C1orf116: variants seen among roughly 807,000 people sequenced by gnomAD.
C1orf116 encodes specifically androgen-regulated gene protein.
A neutral mutation model predicts 14.1 loss-of-function variants in C1orf116; 12 were observed. That is an observed-to-expected ratio of 0.85 (90% confidence interval 0.54 to 1.38). The LOEUF is 1.38. Ranked by LOEUF, C1orf116 falls within the 40% of genes most tolerant of loss-of-function variation. The probability of loss-of-function intolerance (pLI) is 0.00; values close to 1 mark genes in which losing one functional copy is unlikely to be tolerated. For synonymous variants in C1orf116, 296 were observed against 299.0 expected, an observed-to-expected ratio of 0.99 and a Z score of 0.10; for missense variants, 797 against 747.0, an observed-to-expected ratio of 1.07 and a Z score of -0.78.
intron 1 of C1orf116, 121 bp from the exon 2 acceptor site, chr1:207,027,800 C>A: frequency 8.7e-7 from 1 of 1,146,556 alleles, no homozygotes; most frequent in Non-Finnish European, 1.2e-6. Context: ...GGGGCATGAA[C>A]AGCCACTGCC....
intron 1 of C1orf116, among the ~76,000 whole-genome samples, chr1:207,029,646 AC>A (rs1334514774): frequency 1.3e-5 from 2 of 152,184 alleles, no homozygotes; most frequent in South Asian, 4.1e-4. Context: ...TTGGTTTCTA[AC>A]CTATAACTGT....
Position 207,031,822 on chromosome 1 carries a change from C to T in C1orf116, c.-82+757G>A, listed in dbSNP as rs945646055. ...TCTAACTAGACTTGACATGCAGCCACGAAATATTCATGTGGGTGAGGCTCG... is the reference window on the plus strand; with the variant it reads ...TCTAACTAGACTTGACATGCAGCCATGAAATATTCATGTGGGTGAGGCTCG... On this transcript the variant is annotated intron_variant, in intron 1 of 3. Coordinates refer to ENST00000359470, the MANE Select transcript of C1orf116 (RefSeq NM_023938.6). 1.7e-4 allele frequency among the ~76,000 whole-genome samples: 26 copies of T among 152,198 alleles called. 1 individual carries two copies. The highest frequency in any genetic ancestry group is 1.3e-3 in the East Asian group (7 of 5,204).
Position 207,032,704 on chromosome 1 carries a change from T to TA in C1orf116, c.-208dup. 1.0e-6 allele frequency: 1 copy of TA among 985,454 alleles called. No homozygotes were observed. Among genetic ancestry groups the TA allele is most frequent in the Non-Finnish European group, 1.2e-6 (1 of 829,978 alleles). 61.0% of individuals were successfully genotyped at this position (985,454 alleles called of 1,614,324 possible). A position where few individuals can be genotyped will look rare whatever the true frequency, so the allele number is the denominator to read the frequency against. ...TTCTCCTTTTGAGCTCCTCCTGACT[T>TA]ACCTAGATAGGTAAATGCTTCATCT... On this transcript the variant is annotated 5_prime_UTR_variant, in exon 1 of 4. Coordinates refer to ENST00000359470, the MANE Select transcript of C1orf116 (RefSeq NM_023938.6).
At position 207,027,425 on chromosome 1, in the gene C1orf116, TAGGGCAGGGC is replaced by T. The variant is rs1178444473; in HGVS notation, c.105+59_105+68del. On this transcript the variant is annotated intron_variant, in intron 2 of 3. Coordinates refer to ENST00000359470, the MANE Select transcript of C1orf116 (RefSeq NM_023938.6). ...AGCCAGGATGGGTGGCAGGAAAGGATAGGGCAGGGCAGGGCAGGGCAGGTGTGCAGAGAGC... is the reference window on the plus strand; with the variant it reads ...AGCCAGGATGGGTGGCAGGAAAGGATAGGGCAGGGCAGGTGTGCAGAGAGC... 9.5e-6 allele frequency: 15 copies of T among 1,581,668 alleles called. No individual in the cohort carries two copies. The East Asian group carries it at 3.2e-4, about 33-fold the overall frequency.
In C1orf116 at chr1:207,021,793, A is replaced by G. The variant is rs1022109312; in HGVS notation, c.*165T>C. 1 of 631,028 alleles carries G rather than the reference A, an allele frequency of 1.6e-6. No individual in the cohort carries two copies. The allele number at this position is 631,028 out of a possible 1,614,324, so 39.1% of individuals were successfully genotyped here. On this transcript the variant is annotated 3_prime_UTR_variant, in exon 4 of 4. Coordinates refer to ENST00000359470, the MANE Select transcript of C1orf116 (RefSeq NM_023938.6). ...GTGGAGATCACCTTCAGAATGATCC[A>G]CATGGGAACTCAATGGCACAACACT... is the stretch of plus-strand genomic sequence containing the variant.
At position 207,022,052 on chromosome 1, in the gene C1orf116, C is replaced by T. The variant is rs558076699; in HGVS notation, c.1712G>A (p.Arg571His). 13 of 1,604,172 alleles carry T rather than the reference C, an allele frequency of 8.1e-6. No individual in the cohort carries two copies. Among genetic ancestry groups the T allele is most frequent in the South Asian group, 1.1e-5 (1 of 89,138 alleles). ...GATCTTGACACTGACACAGGGGGGG[C>T]GAGGAAGCTTGTCACGGCTCTGTCC... ...YQGQSRDKLP[R>H]PPCVSVKISP... is the part of the protein sequence containing the mutation. The change falls in exon 4 of 4, where the codon CGC becomes CAC. Residue 571 changes from arginine to histidine, a missense_variant. Coordinates refer to ENST00000359470, the MANE Select transcript of C1orf116 (RefSeq NM_023938.6).
rs1681838533 is a variant in C1orf116 at position 207,021,327 on chromosome 1, A to G, written c.*631T>C. On this transcript the variant is annotated 3_prime_UTR_variant, in exon 4 of 4. Transcript: ENST00000359470. ...TGTTCTGCTATCAATCAACCGAGAGATTGGGTTACAGGGACGTATCCTGTC... is the reference window on the plus strand; with the variant it reads ...TGTTCTGCTATCAATCAACCGAGAGGTTGGGTTACAGGGACGTATCCTGTC... The G allele has an allele frequency of 6.6e-6, 1 of 152,556 alleles. No individual in the cohort carries two copies. Among genetic ancestry groups the G allele is most frequent in the Non-Finnish European group, 1.5e-5 (1 of 68,004 alleles). 9.5% of individuals were successfully genotyped at this position (152,556 alleles called of 1,614,324 possible).
chr1:207,032,576 C>T lies in C1orf116; in HGVS notation c.-82+3G>A. 1 of 985,372 alleles carries T rather than the reference C, an allele frequency of 1.0e-6. No homozygotes were observed. The allele number at this position is 985,372 out of a possible 1,614,324, so 61.0% of individuals were successfully genotyped here. A position where few individuals can be genotyped will look rare whatever the true frequency, so the allele number is the denominator to read the frequency against. On this transcript the variant is annotated splice_donor_region_variant and intron_variant, in intron 1 of 3. Coordinates refer to ENST00000359470, the MANE Select transcript of C1orf116 (RefSeq NM_023938.6). ...AGCAATAGTTGGTTAGTGATTAACT[C>T]ACCTCCACTGGGTTGGGGGCTGAAG...
chr1:207,022,700 C>T lies in C1orf116; in HGVS notation c.1064G>A (p.Gly355Glu). The T allele has an allele frequency of 6.2e-7, 1 of 1,614,070 alleles. No individual in the cohort carries two copies. Among genetic ancestry groups the T allele is most frequent in the Non-Finnish European group, 8.5e-7 (1 of 1,180,024 alleles). ...AGGCTCATCTTGATCCTGGGGTAGC[C>T]CCAGCTTCTCTAGAGCTTCTTTACG... The part of the protein sequence containing the change: ...KARKEALEKL[G>E]LPQDQDEPGL... The change falls in exon 4 of 4, where the codon GGG (glycine) becomes GAG (glutamate). Residue 355 changes from glycine to glutamate, a missense_variant. By Grantham distance (98) the Gly-to-Glu change is moderately conservative (BLOSUM62 -2). Transcript: ENST00000359470.
rs748327501 is a variant in C1orf116 at position 207,022,263 on chromosome 1, C to A, written c.1501G>T (p.Ala501Ser). The A allele has an allele frequency of 6.2e-7, 1 of 1,613,614 alleles. No homozygotes were observed. Among genetic ancestry groups the A allele is most frequent in the Non-Finnish European group, 8.5e-7 (1 of 1,179,898 alleles). Residue 501 changes from alanine to serine, a missense_variant, in exon 4 of 4, where the codon GCC becomes TCC. By Grantham distance (99) the Ala-to-Ser change is moderately conservative (BLOSUM62 1). Coordinates refer to ENST00000359470, the MANE Select transcript of C1orf116 (RefSeq NM_023938.6). Reference protein sequence around the residue: ...LSSYLSTEKDASPKTSTSLGK... With the variant: ...LSSYLSTEKDSSPKTSTSLGK... The stretch of plus-strand genomic sequence containing the variant: ...AGAGAAGTGCTGGTTTTGGGGCTGG[C>A]ATCTTTCTCAGTTGAAAGGTAGCTG...
chr1:207,021,687 G>T lies in C1orf116; in HGVS notation c.*271C>A. The T allele has an allele frequency of 3.1e-6, 1 of 317,594 alleles. No homozygotes were observed. The highest frequency in any genetic ancestry group is 5.8e-6 in the Non-Finnish European group (1 of 172,810). The allele number at this position is 317,594 out of a possible 1,614,324, so 19.7% of individuals were successfully genotyped here. The stretch of plus-strand genomic sequence containing the variant: ...GCAAAATTCTGAACAGTGACTCATT[G>T]TGTTATATCAATAGCTTCAGTGATG... On this transcript the variant is annotated 3_prime_UTR_variant, in exon 4 of 4. Transcript: ENST00000359470.
In C1orf116 at chr1:207,020,816, G is replaced by A. The variant is rs1410245544; in HGVS notation, c.*1142C>T. Reference sequence around the variant, plus strand: ...TAGGGTGCTGTGTGGATGTACAAGAGCACTGGCTAAGGAGAGGTGGCAGCA... The same window carrying A: ...TAGGGTGCTGTGTGGATGTACAAGAACACTGGCTAAGGAGAGGTGGCAGCA... On this transcript the variant is annotated 3_prime_UTR_variant, in exon 4 of 4. Coordinates refer to ENST00000359470, the MANE Select transcript of C1orf116 (RefSeq NM_023938.6). The A allele has an allele frequency of 1.3e-5, 2 of 152,164 alleles. No homozygotes were observed. The highest frequency in any genetic ancestry group is 3.8e-4 in the East Asian group (2 of 5,202). 9.4% of individuals were successfully genotyped at this position (152,164 alleles called of 1,614,324 possible).
chr1:207,021,811 A>C lies in C1orf116; in HGVS notation c.*147T>G. The C allele has an allele frequency of 4.0e-6, 3 of 747,810 alleles. No individual in the cohort carries two copies. The highest frequency in any genetic ancestry group is 6.0e-6 in the Non-Finnish European group (3 of 497,540). The allele number at this position is 747,810 out of a possible 1,614,324, so 46.3% of individuals were successfully genotyped here. On this transcript the variant is annotated 3_prime_UTR_variant, in exon 4 of 4. Coordinates refer to ENST00000359470, the MANE Select transcript of C1orf116 (RefSeq NM_023938.6). ...ATGATCCACATGGGAACTCAATGGC[A>C]CAACACTGAATATAAATGTATGCTT...
rs1374391030 is a variant in C1orf116, at chr1:207,023,203, C to T, written c.561G>A (p.Gln187=). The change falls in exon 4 of 4, where the codon CAG becomes CAA. Residue 187 remains glutamine, a synonymous_variant. Transcript: ENST00000359470. The part of the protein sequence containing the change: ...SQPRQAPASP[Q]EAALDLDVVL... ...CCACGTCCAAGTCAAGGGCAGCCTC[C>T]TGGGGGCTGGCAGGTGCCTGCCTGG... is the stretch of plus-strand genomic sequence containing the variant. The T allele has an allele frequency of 1.2e-6, 2 of 1,609,178 alleles. No individual in the cohort carries two copies. The highest frequency in any genetic ancestry group is 3.4e-5 in the Admixed American group (2 of 59,642).
chr1:207,019,561 A>T lies in C1orf116; in HGVS notation c.*2397T>A, dbSNP rs1482683714. 6.6e-6 allele frequency: 1 copy of T among 152,246 alleles called. No homozygotes were observed. Among genetic ancestry groups the T allele is most frequent in the African/African-American group, 2.4e-5 (1 of 41,466 alleles). The allele number at this position is 152,246 out of a possible 1,614,324, so 9.4% of individuals were successfully genotyped here. On this transcript the variant is annotated 3_prime_UTR_variant, in exon 4 of 4. Transcript: ENST00000359470. ...AGATACAATGACCTCAGCTCTGTCT[A>T]GCACCACTTTCAGGGAGGCGGATGT...
intron 2 of C1orf116, 93 bp from the exon 3 acceptor site, chr1:207,025,157 T>C: frequency 1.1e-6 from 1 of 939,872 alleles, no homozygotes; most frequent in Non-Finnish European, 1.6e-6. Flanking sequence ...GAGAAAGCGC[T>C]CCCTCCGCAG....
chr1:207,026,528 T>C (rs1447316808), intron 2 of C1orf116, among the ~76,000 whole-genome samples: 12 of 152,244 alleles, frequency 7.9e-5, no homozygotes, highest in Admixed American at 7.9e-4. Flanking sequence ...AAATGAAATT[T>C]GTATGATTGT....
rs1681907351 is a variant in C1orf116 at position 207,022,398 on chromosome 1, T to G, written c.1366A>C (p.Thr456Pro). 3 of 1,613,896 alleles carry G rather than the reference T, an allele frequency of 1.9e-6. No homozygotes were observed. The highest frequency in any genetic ancestry group is 1.3e-5 in the African/African-American group (1 of 74,878). The stretch of plus-strand genomic sequence containing the variant: ...AGCCCTGACTCTGGCTTCGGTGGAG[T>G]CAGGGCACTGTTTGCCCTTGGGGCC... ...PKAPRANSALTPPKPESGLTL... is the reference protein window; with the variant it reads ...PKAPRANSALPPPKPESGLTL... The change falls in exon 4 of 4, where the codon ACT becomes CCT. Residue 456 changes from threonine to proline, a missense_variant. Physicochemically the swap from Thr to Pro is conservative, Grantham distance 38 (BLOSUM62 -1). Transcript: ENST00000359470.
In C1orf116 at chr1:207,018,816, A is replaced by G. The variant is rs1445178231; in HGVS notation, c.*3142T>C. ...AGATTCTGCATGACTTCTCCTGTCC[A>G]TCCCCTTGGCCCCCTCTCCTCTAGT... On this transcript the variant is annotated 3_prime_UTR_variant, in exon 4 of 4. Coordinates refer to ENST00000359470, the MANE Select transcript of C1orf116 (RefSeq NM_023938.6). 1 of 152,312 alleles carries G rather than the reference A, an allele frequency of 6.6e-6. No individual in the cohort carries two copies. Among genetic ancestry groups the G allele is most frequent in the Non-Finnish European group, 1.5e-5 (1 of 68,170 alleles). The allele number at this position is 152,312 out of a possible 1,614,324, so 9.4% of individuals were successfully genotyped here.
Sources: gnomAD v4.1 joint callset for allele counts (sites outside exome capture counted in the v4.1 genomes callset) on GRCh38, gnomAD v4.1.1 for gene constraint, MANE v1.5 for transcripts, NCBI Gene and HGNC (gene_info 2026-07-23, HGNC 2026-07-21) for gene names.